RASGRF2: variants seen among roughly 807,000 people sequenced by gnomAD.
RASGRF2 encodes Ras protein specific guanine nucleotide releasing factor 2, also known as ras-specific guanine nucleotide-releasing factor 2.
A neutral mutation model predicts 151.0 loss-of-function variants in RASGRF2; 76 were observed. The ratio of observed to expected loss-of-function variants is 0.50; its 90% CI spans 0.42 to 0.61. RASGRF2 has a LOEUF of 0.61. Ranked by LOEUF, RASGRF2 falls within the 20% of genes least tolerant of loss-of-function variation. The probability of loss-of-function intolerance (pLI) is 0.00; values close to 1 mark genes in which losing one functional copy is unlikely to be tolerated. For synonymous variants in RASGRF2, 504 were observed against 566.5 expected (o/e 0.89, Z 1.57); for missense variants, 1,148 against 1,564.6 (o/e 0.73, Z 4.49).
intron 19 of RASGRF2, among the ~76,000 whole-genome samples, chr5:81,202,439 C>T (rs1468293424): frequency 1.3e-5 from 2 of 152,174 alleles, no homozygotes; most frequent in Non-Finnish European, 2.9e-5. Flanking sequence ...TTTGCAAGTC[C>T]TTCCCTGATG....
intron 17 of RASGRF2, among the ~76,000 whole-genome samples, chr5:81,163,083 G>A (rs1046073836): frequency 5.9e-5 from 9 of 152,146 alleles, no homozygotes; most frequent in East Asian, 5.8e-4. Flanking sequence ...GGAAGCTGCC[G>A]CTGCCCCTAT....
At chr5:81,191,482 A>G (rs1561252735) in intron 18 of RASGRF2, among the ~76,000 whole-genome samples, 1 of 152,192 alleles carries the variant, frequency 6.6e-6, no homozygotes, top group African/African-American at 2.4e-5. Context: ...TTCTAGTTAT[A>G]TTAGAGTTAA....
At chr5:81,000,693 A>G (rs557053663) in intron 1 of RASGRF2, among the ~76,000 whole-genome samples, 27 of 152,328 alleles carry the variant, frequency 1.8e-4, no homozygotes, top group African/African-American at 6.3e-4. Context: ...AAAGCATAAG[A>G]CTGCTCTGAT....
At chr5:81,090,230 T>G (rs1430901884) in intron 9 of RASGRF2, among the ~76,000 whole-genome samples, 1 of 152,216 alleles carries the variant, frequency 6.6e-6, no homozygotes, top group Non-Finnish European at 1.5e-5. Context: ...TTCTTCATTC[T>G]TTTTCATTAC....
At chr5:81,056,329 C>A (rs1295210518) in intron 2 of RASGRF2, among the ~76,000 whole-genome samples, 1 of 152,148 alleles carries the variant, frequency 6.6e-6, no homozygotes, top group East Asian at 1.9e-4. Context: ...TATGTTGTGT[C>A]TTTGTTCTCA....
intron 22 of RASGRF2, 68 bp downstream of exon 22, chr5:81,208,506 CTCT>C: frequency 1.2e-6 from 1 of 862,676 alleles, no homozygotes; most frequent in Non-Finnish European, 1.7e-6. Flanking sequence ...CTAAAGACTC[CTCT>C]AAAACAAAGC....
intron 17 of RASGRF2, among the ~76,000 whole-genome samples, chr5:81,146,279 G>A (rs1421073358): frequency 6.6e-6 from 1 of 152,128 alleles, no homozygotes; most frequent in African/African-American, 2.4e-5. Flanking sequence ...CAAACTGAGA[G>A]GAGCCTCCCC....
chr5:81,187,592 A>G (rs1222408753), intron 18 of RASGRF2, among the ~76,000 whole-genome samples: 1 of 152,222 alleles, frequency 6.6e-6, no homozygotes, highest in Non-Finnish European at 1.5e-5. Context: ...AGAGAAGACC[A>G]TGGCTCTTTC....
chr5:80,961,107 G>T, intron 1 of RASGRF2, 81 bp downstream of exon 1: 1 of 1,373,880 alleles, frequency 7.3e-7, no homozygotes, highest in South Asian at 1.7e-5. Flanking sequence ...ATCAGGGGTC[G>T]GGGGTCGTGA....
chr5:81,127,223 T>C, intron 17 of RASGRF2, 60 bp downstream of exon 17: 10 of 1,498,350 alleles, frequency 6.7e-6, no homozygotes, highest in Non-Finnish European at 9.2e-6. Context: ...CAGTGGCCCG[T>C]GTCTGCCAGT....
At chr5:81,103,456 A>G (rs1276099662) in intron 12 of RASGRF2, among the ~76,000 whole-genome samples, 1 of 152,120 alleles carries the variant, frequency 6.6e-6, no homozygotes, top group African/African-American at 2.4e-5. Flanking sequence ...CAGATGGAAA[A>G]TAGAGTTAGA....
Position 81,123,273 on chromosome 5 carries a change from G to A in RASGRF2, c.2471-369G>A, listed in dbSNP as rs78875347. 2.0e-3 allele frequency among the ~76,000 whole-genome samples: 297 copies of A among 152,174 alleles called. 2 individuals carry two copies. The East Asian group carries it at 0.028, about 14-fold the overall frequency. ...ACAGGCAAAGAACTGGTGAAGTTCCGATTTGTAATCCCAATCTGATTTTTG... is the reference window on the plus strand; with the variant it reads ...ACAGGCAAAGAACTGGTGAAGTTCCAATTTGTAATCCCAATCTGATTTTTG... On this transcript the variant is annotated intron_variant, in intron 15 of 26. Coordinates refer to ENST00000265080, the MANE Select transcript of RASGRF2 (RefSeq NM_006909.3).
chr5:81,125,546 G>A (rs1182411004), intron 16 of RASGRF2, among the ~76,000 whole-genome samples: 1 of 152,146 alleles, frequency 6.6e-6, no homozygotes, highest in Admixed American at 6.6e-5. Context: ...CCAGGTCTTG[G>A]CAACTTCCTT....
At chr5:81,190,432 C>T (rs1755132074) in intron 18 of RASGRF2, among the ~76,000 whole-genome samples, 1 of 152,206 alleles carries the variant, frequency 6.6e-6, no homozygotes, top group Non-Finnish European at 1.5e-5. Context: ...AACTTGCACA[C>T]TAGTTTGGAT....
intron 17 of RASGRF2, among the ~76,000 whole-genome samples, chr5:81,173,202 C>G (rs995236714): frequency 2.6e-5 from 4 of 152,050 alleles, no homozygotes; most frequent in African/African-American, 9.7e-5. Flanking sequence ...CATGGTGAAA[C>G]CCCATCTCTA....
chr5:81,162,609 G>A (rs1754412995), intron 17 of RASGRF2, among the ~76,000 whole-genome samples: 1 of 152,150 alleles, frequency 6.6e-6, no homozygotes, highest in Admixed American at 6.6e-5. Context: ...GCCTCCCAAA[G>A]TACTGGGATT....
intron 1 of RASGRF2, among the ~76,000 whole-genome samples, chr5:80,994,234 T>A (rs369400365): frequency 6.6e-6 from 1 of 151,788 alleles, no homozygotes; most frequent in Admixed American, 6.6e-5. Flanking sequence ...GGCGTGGTGG[T>A]AGGCGCCTGT....
chr5:81,095,857 G>A (rs755768721), intron 12 of RASGRF2, among the ~76,000 whole-genome samples: 28 of 151,984 alleles, frequency 1.8e-4, no homozygotes, highest in Non-Finnish European at 3.8e-4. Flanking sequence ...TGAAAATTGA[G>A]GTGAAATAGA....
At chr5:81,184,722 C>G (rs55642761) in intron 18 of RASGRF2, among the ~76,000 whole-genome samples, 1 of 152,182 alleles carries the variant, frequency 6.6e-6, no homozygotes, top group Non-Finnish European at 1.5e-5. Context: ...TAAAAATCTC[C>G]TCCCCAAAGG....
Sources: gnomAD v4.1 joint callset for allele counts (sites outside exome capture counted in the v4.1 genomes callset) on GRCh38, gnomAD v4.1.1 for gene constraint, MANE v1.5 for transcripts, NCBI Gene and HGNC (gene_info 2026-07-23, HGNC 2026-07-21) for gene names.